The following RABGAP1L variants were observed in gnomAD, a reference collection of about 807,000 sequenced individuals.
RABGAP1L encodes rab GTPase-activating protein 1-like.
RABGAP1L carries 63 observed loss-of-function variants against 137.7 expected under a neutral mutation model. That is an observed-to-expected ratio of 0.46 (90% CI 0.37 to 0.56). The LOEUF (loss-of-function observed/expected upper bound fraction) is 0.56. Ranked by LOEUF, RABGAP1L falls within the 20% of genes least tolerant of loss-of-function variation. The pLI is 0.00. For missense variants in RABGAP1L, 1,095 were observed against 1,244.0 expected (o/e 0.88, Z 1.80); for synonymous variants, 431 against 433.7 (o/e 0.99, Z 0.08).
intron 20 of RABGAP1L, among the ~76,000 whole-genome samples, chr1:174,963,790 T>C (rs958007746): frequency 7.2e-5 from 11 of 151,946 alleles, no homozygotes; most frequent in Admixed American, 2.0e-4. Context: ...ATTTGTAGAG[T>C]TGAGAAATTT....
At chr1:174,355,532 G>A (rs1683558441) in intron 11 of RABGAP1L, among the ~76,000 whole-genome samples, 1 of 151,304 alleles carries the variant, frequency 6.6e-6, no homozygotes. Context: ...ATTAATGGGT[G>A]CAGCACACCA....
intron 14 of RABGAP1L, among the ~76,000 whole-genome samples, chr1:174,678,241 T>A (rs1373722504): frequency 6.6e-6 from 1 of 152,092 alleles, no homozygotes; most frequent in African/African-American, 2.4e-5. Flanking sequence ...AGAAATTTAA[T>A]TCATAATAAA....
chr1:174,609,778 A>G (rs1377513005), intron 13 of RABGAP1L, among the ~76,000 whole-genome samples: 1 of 152,188 alleles, frequency 6.6e-6, no homozygotes, highest in Non-Finnish European at 1.5e-5. Context: ...TCACTTTAAT[A>G]AGAGTGATTT....
chr1:174,463,664 TAATAA>T (rs1355678520), intron 13 of RABGAP1L, among the ~76,000 whole-genome samples: 2 of 151,452 alleles, frequency 1.3e-5, no homozygotes, highest in Non-Finnish European at 2.9e-5. Context: ...AGTATAATAA[TAATAA>T]AATAAAAAAG....
rs868532127 is a variant in RABGAP1L at position 174,732,206 on chromosome 1, A to C, written c.2170-20107A>C. Among the ~76,000 whole-genome samples the C allele has an allele frequency of 3.7e-3, 563 of 151,950 alleles. 2 individuals are homozygous for C. The highest frequency in any genetic ancestry group is 0.01 in the Middle Eastern group (3 of 294). ...GAGTGAGACCCCATCCCCCCCAAAA[A>C]AAAAAAACATGGATTGTTAGACTTG... On this transcript the variant is annotated intron_variant, in intron 17 of 25. Transcript: ENST00000681986.
intron 13 of RABGAP1L, among the ~76,000 whole-genome samples, chr1:174,513,012 G>A (rs1184773471): frequency 6.6e-6 from 1 of 152,124 alleles, no homozygotes; most frequent in East Asian, 1.9e-4. Flanking sequence ...AGTTCTCCCT[G>A]AGAATAAGTT....
intron 18 of RABGAP1L, among the ~76,000 whole-genome samples, chr1:174,802,009 G>A (rs550720989): frequency 2.0e-5 from 3 of 152,134 alleles, no homozygotes; most frequent in Admixed American, 6.5e-5. Flanking sequence ...TACATTTTCA[G>A]TGTTTTGAAG....
chr1:174,691,257 A>G (rs927961172), intron 15 of RABGAP1L, among the ~76,000 whole-genome samples: 1 of 152,336 alleles, frequency 6.6e-6, no homozygotes, highest in South Asian at 2.1e-4. Flanking sequence ...TACACTAACT[A>G]TGGGGATTAC....
chr1:174,351,126 A>G (rs1683148185), intron 11 of RABGAP1L, among the ~76,000 whole-genome samples: 1 of 145,078 alleles, frequency 6.9e-6, no homozygotes, highest in African/African-American at 2.6e-5. Flanking sequence ...ATATCTTATT[A>G]TCTTGTCTAA....
intron 19 of RABGAP1L, among the ~76,000 whole-genome samples, chr1:174,820,975 C>T (rs1421967802): frequency 6.6e-6 from 1 of 151,380 alleles, no homozygotes; most frequent in African/African-American, 2.4e-5. Flanking sequence ...TGACATTGCA[C>T]CACTGCACTC....
At chr1:174,441,705 G>C (rs1654172079) in intron 13 of RABGAP1L, among the ~76,000 whole-genome samples, 1 of 152,054 alleles carries the variant, frequency 6.6e-6, no homozygotes, top group Non-Finnish European at 1.5e-5. Context: ...TTGCACTCCT[G>C]CCTGGTCAAC....
At position 174,360,980 on chromosome 1, in the gene RABGAP1L, C is replaced by T. The variant is rs553921310; in HGVS notation, c.1466-9999C>T. Among the ~76,000 whole-genome samples, 59 of 152,194 alleles carry T rather than the reference C, an allele frequency of 3.9e-4. No individual in the cohort carries two copies. In the South Asian group the frequency reaches 8.1e-3, roughly 21 times the overall value. On this transcript the variant is annotated intron_variant, in intron 11 of 25. Transcript: ENST00000681986. ...GGCCATCCTGGCTAACACGGTGAAA[C>T]GCCGTCTCTACTAAAAAATACAAAA... is the stretch of plus-strand genomic sequence containing the variant.
At chr1:174,894,100 C>T (rs573632872) in intron 19 of RABGAP1L, among the ~76,000 whole-genome samples, 108 of 152,258 alleles carry the variant, frequency 7.1e-4, no homozygotes, top group South Asian at 4.8e-3. Context: ...TTGATAATTT[C>T]GGATTCCATA....
intron 19 of RABGAP1L, among the ~76,000 whole-genome samples, chr1:174,935,794 CA>C (rs1276233709): frequency 1.3e-5 from 2 of 151,994 alleles, no homozygotes; most frequent in African/African-American, 4.8e-5. Context: ...TCAGCCTGGG[CA>C]ACACAGTGAA....
rs368663053 is a variant in RABGAP1L at position 174,877,557 on chromosome 1, T to G, written c.2340+65597T>G. On this transcript the variant is annotated intron_variant, in intron 19 of 25. Transcript: ENST00000681986. ...CCCATGTTTTCAGCCAGCTGCACGA[T>G]GAAGACTTCCTCACTAGTCTGGTGG... is the stretch of plus-strand genomic sequence containing the variant. 23 of 1,613,864 alleles carry G rather than the reference T, an allele frequency of 1.4e-5. No individual in the cohort carries two copies. In the African/African-American group the frequency reaches 3.1e-4, roughly 22 times the overall value.
chr1:174,227,999 T>G (rs888688779), intron 3 of RABGAP1L, among the ~76,000 whole-genome samples: 3 of 152,096 alleles, frequency 2.0e-5, no homozygotes, highest in Non-Finnish European at 4.4e-5. Context: ...ATTCCTCTTC[T>G]GCAATTTAGA....
chr1:174,563,543 G>A (rs1032432483), intron 13 of RABGAP1L, among the ~76,000 whole-genome samples: 10 of 152,138 alleles, frequency 6.6e-5, no homozygotes, highest in East Asian at 3.9e-4. Context: ...ATAAATTAGC[G>A]TATGCAAAGC....
chr1:174,424,771 A>T (rs1476766653), intron 13 of RABGAP1L, among the ~76,000 whole-genome samples: 3 of 151,986 alleles, frequency 2.0e-5, no homozygotes, highest in Non-Finnish European at 4.4e-5. Context: ...AACACATTTT[A>T]TTGACTTGTA....
intron 1 of RABGAP1L, among the ~76,000 whole-genome samples, chr1:174,207,989 T>C (rs775170748): frequency 2.6e-5 from 4 of 152,202 alleles, no homozygotes; most frequent in Non-Finnish European, 5.9e-5. Flanking sequence ...TTAACAACTT[T>C]GAATTTCCTA....
Sources: gnomAD v4.1 joint callset for allele counts (sites outside exome capture counted in the v4.1 genomes callset) on GRCh38, gnomAD v4.1.1 for gene constraint, MANE v1.5 for transcripts, NCBI Gene and HGNC (gene_info 2026-07-23, HGNC 2026-07-21) for gene names.